The following YAP1 variants were observed in gnomAD, a reference collection of about 807,000 sequenced individuals.
The protein encoded by YAP1 is Yes1 associated transcriptional regulator, also known as transcriptional coactivator YAP1.
YAP1 carries 5 observed loss-of-function variants against 56.9 expected under a neutral mutation model. The observed-to-expected ratio is 0.09, with a 90% confidence interval of 0.05 to 0.18. YAP1 has a LOEUF of 0.18. Ranked by LOEUF, YAP1 falls within the 10% of genes least tolerant of loss-of-function variation. The probability of loss-of-function intolerance (pLI) is 1.00; values close to 1 mark genes in which losing one functional copy is unlikely to be tolerated. For synonymous variants in YAP1, 265 were observed against 248.1 expected, an observed-to-expected ratio of 1.07 and a Z score of -0.64; for missense variants, 539 against 651.8, an observed-to-expected ratio of 0.83 and a Z score of 1.88.
intron 6 of YAP1, among the ~76,000 whole-genome samples, chr11:102,211,039 G>GCC (rs1436121535): frequency 1.3e-5 from 2 of 152,186 alleles, no homozygotes; most frequent in African/African-American, 4.8e-5. Flanking sequence ...ACAGGCGTGA[G>GCC]CCACCACGTC....
chr11:102,185,689 G>A (rs1329490978), intron 3 of YAP1, among the ~76,000 whole-genome samples: 1 of 152,156 alleles, frequency 6.6e-6, no homozygotes, highest in African/African-American at 2.4e-5. Context: ...TTGGGTGGTA[G>A]TTTCTGAGCT....
At chr11:102,178,928 T>G (rs550089952) in intron 3 of YAP1, among the ~76,000 whole-genome samples, 2 of 152,236 alleles carry the variant, frequency 1.3e-5, no homozygotes, top group East Asian at 3.9e-4. Flanking sequence ...TGATACATGG[T>G]GCAAGAAAGT....
At chr11:102,190,410 C>T (rs1948211496) in intron 4 of YAP1, among the ~76,000 whole-genome samples, 1 of 152,022 alleles carries the variant, frequency 6.6e-6, no homozygotes, top group Non-Finnish European at 1.5e-5. Flanking sequence ...GTGGATGGAT[C>T]ACTTGAGGCC....
intron 2 of YAP1, among the ~76,000 whole-genome samples, chr11:102,151,001 A>G (rs1448394135): frequency 1.3e-5 from 2 of 151,598 alleles, no homozygotes; most frequent in Non-Finnish European, 2.9e-5. Flanking sequence ...GGGTTTCACC[A>G]TGTTGGCCAG....
At chr11:102,218,399 A>C (rs1176237027) in intron 6 of YAP1, among the ~76,000 whole-genome samples, 1 of 152,240 alleles carries the variant, frequency 6.6e-6, no homozygotes, top group Non-Finnish European at 1.5e-5. Flanking sequence ...TTACACTGTT[A>C]TAACTGTGTT....
chr11:102,194,247 TAAGAAA>T (rs1368964099), intron 4 of YAP1, among the ~76,000 whole-genome samples: 1 of 152,192 alleles, frequency 6.6e-6, no homozygotes, highest in African/African-American at 2.4e-5. Flanking sequence ...GATTCAGATG[TAAGAAA>T]AAGAAAGAGA....
intron 3 of YAP1, among the ~76,000 whole-genome samples, chr11:102,171,208 A>C (rs1016382666): frequency 3.3e-5 from 5 of 152,158 alleles, no homozygotes; most frequent in Admixed American, 6.5e-5. Flanking sequence ...TCTCTTGATA[A>C]GTGTTGGAAT....
chr11:102,230,689 G>A lies in YAP1; in HGVS notation c.*749G>A, dbSNP rs1043777359. 2.6e-5 allele frequency: 4 copies of A among 152,318 alleles called. No individual in the cohort carries two copies. The highest frequency in any genetic ancestry group is 2.0e-4 in the Admixed American group (3 of 15,230). 9.4% of individuals were successfully genotyped at this position (152,318 alleles called of 1,614,324 possible). ...TGTTTTTTTTGTTTTTGGCAGGGTC[G>A]GTGGGGGGGTTGGTTGGTTGGTTGG... On this transcript the variant is annotated 3_prime_UTR_variant, in exon 9 of 9. Transcript: ENST00000282441.
chr11:102,223,401 G>A (rs1950047094), intron 6 of YAP1, among the ~76,000 whole-genome samples: 1 of 152,042 alleles, frequency 6.6e-6, no homozygotes, highest in Non-Finnish European at 1.5e-5. Context: ...AGGGTGGGGG[G>A]TGGTTAATAT....
At chr11:102,128,539 A>G (rs550160886) in intron 2 of YAP1, among the ~76,000 whole-genome samples, 1 of 152,314 alleles carries the variant, frequency 6.6e-6, no homozygotes, top group African/African-American at 2.4e-5. Context: ...GTATATCTTT[A>G]TCAGCGTTGT....
intron 2 of YAP1, among the ~76,000 whole-genome samples, chr11:102,160,747 A>G (rs989677759): frequency 1.3e-5 from 2 of 152,190 alleles, no homozygotes; most frequent in Admixed American, 6.5e-5. Flanking sequence ...TCACCAGCCA[A>G]TGAAGTTATT....
At chr11:102,160,602 G>GT (rs1946215941) in intron 2 of YAP1, among the ~76,000 whole-genome samples, 1 of 152,120 alleles carries the variant, frequency 6.6e-6, no homozygotes, top group Admixed American at 6.6e-5. Flanking sequence ...TAGAAAAACC[G>GT]TTTTTTACTT....
intron 2 of YAP1, among the ~76,000 whole-genome samples, chr11:102,129,258 A>G (rs758052199): frequency 2.6e-5 from 4 of 152,134 alleles, no homozygotes; most frequent in Non-Finnish European, 5.9e-5. Context: ...TCTATATACT[A>G]TCATATGGTC....
intron 3 of YAP1, among the ~76,000 whole-genome samples, chr11:102,165,498 G>T (rs944869376): frequency 6.6e-6 from 1 of 152,112 alleles, no homozygotes; most frequent in Non-Finnish European, 1.5e-5. Context: ...CAGTTTCAGT[G>T]GAGTGGCAAA....
At chr11:102,135,471 T>C (rs1944623474) in intron 2 of YAP1, among the ~76,000 whole-genome samples, 1 of 152,246 alleles carries the variant, frequency 6.6e-6, no homozygotes, top group Non-Finnish European at 1.5e-5. Context: ...TTGATGTGGA[T>C]GGCTGGAAGG....
intron 2 of YAP1, among the ~76,000 whole-genome samples, chr11:102,143,244 G>T (rs946199503): frequency 1.3e-5 from 2 of 152,050 alleles, no homozygotes; most frequent in Non-Finnish European, 2.9e-5. Flanking sequence ...TATTCATTTG[G>T]TGATCAGTAA....
intron 2 of YAP1, among the ~76,000 whole-genome samples, chr11:102,123,978 G>C (rs1458472045): frequency 6.6e-6 from 1 of 150,898 alleles, no homozygotes; most frequent in African/African-American, 2.4e-5. Context: ...TTGAGATGGA[G>C]TCTTGCTTTG....
At chr11:102,196,326 A>C (rs1948571726) in intron 4 of YAP1, among the ~76,000 whole-genome samples, 1 of 152,224 alleles carries the variant, frequency 6.6e-6, no homozygotes, top group African/African-American at 2.4e-5. Flanking sequence ...AATGTCCATT[A>C]GTTGATGAAT....
At chr11:102,133,347 G>A (rs1365465174) in intron 2 of YAP1, among the ~76,000 whole-genome samples, 1 of 152,106 alleles carries the variant, frequency 6.6e-6, no homozygotes, top group Non-Finnish European at 1.5e-5. Flanking sequence ...CCCAGGGATG[G>A]AGTACAGTGG....
Sources: allele counts gnomAD v4.1 joint callset (sites outside exome capture counted in the v4.1 genomes callset), GRCh38; gene constraint gnomAD v4.1.1; transcripts MANE v1.5; gene names NCBI Gene and HGNC (gene_info 2026-07-23, HGNC 2026-07-21).